Variants in PMPCA observed in about 807,000 individuals in gnomAD.
The protein encoded by PMPCA is peptidase, mitochondrial processing subunit alpha, also known as mitochondrial-processing peptidase subunit alpha.
A neutral mutation model predicts 59.3 loss-of-function variants in PMPCA; 47 were observed. The ratio of observed to expected loss-of-function variants is 0.79; its 90% CI spans 0.63 to 1.01. The LOEUF is 1.01. PMPCA is among the 50% of genes least tolerant of loss of function. The pLI is 0.00. For synonymous variants in PMPCA, 338 were observed against 290.3 expected, an observed-to-expected ratio of 1.16 and a Z score of -1.67; for missense variants, 726 against 704.5, an observed-to-expected ratio of 1.03 and a Z score of -0.34.
rs1217486935 is a variant in PMPCA at position 136,418,090 on chromosome 9, T to C, written c.971T>C (p.Leu324Pro). 1.2e-6 allele frequency: 2 copies of C among 1,612,692 alleles called. No individual in the cohort carries two copies. The highest frequency in any genetic ancestry group is 2.7e-5 in the African/African-American group (2 of 74,910). ...GAGCTCACGCACATCATGGTTGGACTGGAGAGCTGCTCCTTCCTGGTGAGT... is the reference window on the plus strand; with the variant it reads ...GAGCTCACGCACATCATGGTTGGACCGGAGAGCTGCTCCTTCCTGGTGAGT... ...IPELTHIMVGLESCSFLEEDF... is the reference protein window; with the variant it reads ...IPELTHIMVGPESCSFLEEDF... The change falls in exon 8 of 13, where the codon CTG becomes CCG. Residue 324 changes from leucine to proline, a missense_variant. By Grantham distance (98) the Leu-to-Pro change is moderately conservative. Coordinates refer to ENST00000371717, the MANE Select transcript of PMPCA (RefSeq NM_015160.3).
At chr9:136,415,792 C>T (rs1207495114) in intron 5 of PMPCA, among the ~76,000 whole-genome samples, 1 of 152,184 alleles carries the variant, frequency 6.6e-6, no homozygotes, top group Non-Finnish European at 1.5e-5. Context: ...GCCACCGCGC[C>T]CAGTTAATTT....
rs752569851 is a variant in PMPCA, at chr9:136,412,816, G to T, written c.361G>T (p.Ala121Ser). ...CCTTATTTATTTTTACTAGTCTACT[G>T]CTCGATTTGACAGCAAAGATGAAAT... The part of the protein sequence containing the change: ...FLEKLAFSST[A>S]RFDSKDEILL... Residue 121 changes from alanine to serine, a missense_variant, in exon 4 of 13, where the codon GCT (alanine) becomes TCT (serine). Physicochemically the swap from Ala to Ser is moderately conservative, Grantham distance 99. Coordinates refer to ENST00000371717, the MANE Select transcript of PMPCA (RefSeq NM_015160.3). The T allele has an allele frequency of 1.9e-6, 3 of 1,591,342 alleles. No homozygotes were observed. In the African/African-American group the frequency reaches 4.0e-5, roughly 21 times the overall value.
chr9:136,418,333 C>T (rs1487960717), intron 8 of PMPCA, among the ~76,000 whole-genome samples: 1 of 149,664 alleles, frequency 6.7e-6, no homozygotes, highest in Non-Finnish European at 1.5e-5. Flanking sequence ...CGTGACACAG[C>T]GTGGGTGGCT....
intron 4 of PMPCA, among the ~76,000 whole-genome samples, chr9:136,413,335 G>C (rs1399434910): frequency 2.0e-5 from 3 of 152,132 alleles, no homozygotes; most frequent in African/African-American, 7.2e-5. Flanking sequence ...AGACAGCAGG[G>C]GCAAAAGGCA....
intron 11 of PMPCA, among the ~76,000 whole-genome samples, chr9:136,421,412 T>G (rs367657129): frequency 4.1e-4 from 38 of 93,042 alleles, no homozygotes; most frequent in Admixed American, 5.9e-4. Flanking sequence ...CCGTTTTTTT[T>G]TTTTTTTTTT....
rs756813786 is a variant in PMPCA at position 136,417,148 on chromosome 9, C to T, written c.831C>T (p.Ala277=). The T allele has an allele frequency of 4.2e-5, 68 of 1,612,786 alleles. No individual in the cohort carries two copies. The highest frequency in any genetic ancestry group is 1.8e-4 in the Admixed American group (11 of 59,960). Residue 277 remains alanine, a synonymous_variant, in exon 7 of 13, where the codon GCC becomes GCT. Transcript: ENST00000371717. ...ARKYLLGVQP[A]WGSAEAVDID... is the part of the protein sequence containing the mutation. ...AGTACCTCCTGGGGGTCCAGCCGGCCTGGGGGAGCGCAGAGGCCGTGGATA... is the reference window on the plus strand; with the variant it reads ...AGTACCTCCTGGGGGTCCAGCCGGCTTGGGGGAGCGCAGAGGCCGTGGATA...
At chr9:136,418,528 A>T (rs767778698) in intron 8 of PMPCA, 27 bp from the exon 9 acceptor site, 1 of 1,446,964 alleles carries the variant, frequency 6.9e-7, no homozygotes, top group Non-Finnish European at 9.7e-7. Context: ...TGGGTGGTTC[A>T]GCCAGCTCTG....
At chr9:136,410,988 G>C (rs1352526723) in intron 1 of PMPCA, 1 of 389,072 alleles carries the variant, frequency 2.6e-6, no homozygotes, top group East Asian at 3.6e-5. Flanking sequence ...GGGTCGACGG[G>C]CCTTCTCCGA....
At chr9:136,416,229 A>C in intron 5 of PMPCA, 62 bp from the exon 6 acceptor site, 2 of 1,197,128 alleles carry the variant, frequency 1.7e-6, no homozygotes, top group Non-Finnish European at 2.5e-6. Flanking sequence ...GCTGTGGGTC[A>C]CTGCTGTGTT....
intron 5 of PMPCA, among the ~76,000 whole-genome samples, chr9:136,415,330 G>A (rs556773902): frequency 7.2e-5 from 11 of 152,348 alleles, no homozygotes; most frequent in Non-Finnish European, 1.5e-4. Context: ...CCTCATCCCT[G>A]TGGGATGTTT....
chr9:136,410,775 G>C, intron 1 of PMPCA, 36 bp downstream of exon 1: 1 of 1,373,640 alleles, frequency 7.3e-7, no homozygotes, highest in Non-Finnish European at 9.4e-7. Flanking sequence ...GGCCTGGGGC[G>C]GGGGCGGCTC....
At chr9:136,422,903 A>G in intron 12 of PMPCA, 192 bp from the exon 13 acceptor site, 1 of 1,395,284 alleles carries the variant, frequency 7.2e-7, no homozygotes, top group South Asian at 1.6e-5. Context: ...TTTACTGAGA[A>G]CTCAACGTCT....
intron 11 of PMPCA, chr9:136,420,244 T>A (rs1365994629): frequency 7.1e-6 from 1 of 141,110 alleles, no homozygotes; most frequent in African/African-American, 3.0e-5. Flanking sequence ...CTCAACTCAT[T>A]GCAACCTCCG....
At position 136,412,805 on chromosome 9, in the gene PMPCA, A is replaced by C; in HGVS notation, c.355-5A>C. 1 of 1,560,858 alleles carries C rather than the reference A, an allele frequency of 6.4e-7. No homozygotes were observed. ...TATTTAGGTTTCCTTATTTATTTTT[A>C]CTAGTCTACTGCTCGATTTGACAGC... On this transcript the variant is annotated splice_region_variant and splice_polypyrimidine_tract_variant and intron_variant, in intron 3 of 12. Coordinates refer to ENST00000371717, the MANE Select transcript of PMPCA (RefSeq NM_015160.3).
In PMPCA at chr9:136,416,333, T is replaced by A; in HGVS notation, c.575T>A (p.Leu192Gln). The change falls in exon 6 of 13, where the codon CTG becomes CAG. Residue 192 changes from leucine to glutamine, a missense_variant. Coordinates refer to ENST00000371717, the MANE Select transcript of PMPCA (RefSeq NM_015160.3). ...ACGCGGATGGCGGTCCAGTTTGAGC[T>A]GGAGGACCTGAACCTGCGGCCTGAC... ...EMTRMAVQFE[L>Q]EDLNLRPDPE... The A allele has an allele frequency of 6.2e-7, 1 of 1,614,020 alleles. No individual in the cohort carries two copies. The highest frequency in any genetic ancestry group is 8.5e-7 in the Non-Finnish European group (1 of 1,179,942).
intron 2 of PMPCA, 136 bp downstream of exon 2, chr9:136,412,335 T>C: frequency 1.2e-6 from 1 of 812,126 alleles, no homozygotes; most frequent in Non-Finnish European, 2.1e-6. Flanking sequence ...TTCATAAATG[T>C]TGAGCTACAC....
chr9:136,412,070 C>T lies in PMPCA; in HGVS notation c.145C>T (p.Pro49Ser), dbSNP rs1564418181. The change falls in exon 2 of 13, where the codon CCT becomes TCT. Residue 49 changes from proline (P) to serine (S), a missense_variant. Physicochemically the swap from Pro to Ser is moderately conservative, Grantham distance 74. Coordinates refer to ENST00000371717, the MANE Select transcript of PMPCA (RefSeq NM_015160.3). ...CAACATCCCCCTCTCTTCTCCCTTACCTGGAGTACCCAAGCCTGTTTTTGC... is the reference window on the plus strand; with the variant it reads ...CAACATCCCCCTCTCTTCTCCCTTATCTGGAGTACCCAAGCCTGTTTTTGC... ...YPNIPLSSPL[P>S]GVPKPVFATV... 2 of 1,613,086 alleles carry T rather than the reference C, an allele frequency of 1.2e-6. No homozygotes were observed. The highest frequency in any genetic ancestry group is 2.2e-5 in the South Asian group (2 of 91,060).
In PMPCA at chr9:136,418,890, GCATC is replaced by G; in HGVS notation, c.1176_1179del (p.Ile392MetfsTer13). ...AGCTACGAGGACACTGGCCTCCTTT[GCATC>G]CATGCCAGCGCCGACCCAAGACAGG... is the stretch of plus-strand genomic sequence containing the variant. On this transcript the variant is annotated frameshift_variant, in exon 10 of 13. Coordinates refer to ENST00000371717, the MANE Select transcript of PMPCA (RefSeq NM_015160.3). LOFTEE classifies it high-confidence loss of function. 1 of 1,613,728 alleles carries G rather than the reference GCATC, an allele frequency of 6.2e-7. No homozygotes were observed. The highest frequency in any genetic ancestry group is 8.5e-7 in the Non-Finnish European group (1 of 1,179,980).
intron 8 of PMPCA, 129 bp from the exon 9 acceptor site, chr9:136,418,426 C>A: frequency 1.4e-6 from 1 of 711,846 alleles, no homozygotes. Context: ...GCCCTCCGTC[C>A]CTGGCGTCCA....
Sources: allele counts gnomAD v4.1 joint callset (sites outside exome capture counted in the v4.1 genomes callset), GRCh38; gene constraint gnomAD v4.1.1; transcripts MANE v1.5; gene names NCBI Gene and HGNC (gene_info 2026-07-23, HGNC 2026-07-21).